AUTS2: variants seen among roughly 807,000 people sequenced by gnomAD.
The protein encoded by AUTS2 is autism susceptibility gene 2 protein.
In AUTS2, 17 loss-of-function variants were observed where a neutral mutation model predicts 112.4. The ratio of observed to expected loss-of-function variants is 0.15; its 90% CI spans 0.10 to 0.23. The LOEUF (loss-of-function observed/expected upper bound fraction) is 0.23, where lower values mean the gene tolerates loss of function less well. Ranked by LOEUF, AUTS2 falls within the 10% of genes least tolerant of loss-of-function variation. The pLI, the probability that AUTS2 is intolerant of heterozygous loss-of-function variation, is 1.00. For missense variants in AUTS2, 1,510 were observed against 1,701.6 expected, an observed-to-expected ratio of 0.89 and a Z score of 1.98; for synonymous variants, 751 against 702.7, an observed-to-expected ratio of 1.07 and a Z score of -1.09.
chr7:70,641,938 C>G (rs1186751335), intron 5 of AUTS2, among the ~76,000 whole-genome samples: 1 of 152,212 alleles, frequency 6.6e-6, no homozygotes, highest in Non-Finnish European at 1.5e-5. Flanking sequence ...CCCCTAGTAT[C>G]AGATAGCTAA....
At chr7:70,357,590 C>T (rs995829898) in intron 4 of AUTS2, among the ~76,000 whole-genome samples, 1 of 152,150 alleles carries the variant, frequency 6.6e-6, no homozygotes, top group Non-Finnish European at 1.5e-5. Flanking sequence ...CACTCTTGAC[C>T]CCTCCCTTCC....
chr7:70,525,000 T>C (rs1799784025), intron 5 of AUTS2, among the ~76,000 whole-genome samples: 1 of 152,192 alleles, frequency 6.6e-6, no homozygotes, highest in Non-Finnish European at 1.5e-5. Context: ...AATCACACTG[T>C]TCTTTTCCCT....
chr7:69,936,763 C>G (rs1303989037), intron 2 of AUTS2, among the ~76,000 whole-genome samples: 1 of 152,148 alleles, frequency 6.6e-6, no homozygotes, highest in Admixed American at 6.5e-5. Context: ...GAGTTGACAT[C>G]AGTGGTAAAT....
chr7:70,392,647 G>A (rs541629994), intron 4 of AUTS2, among the ~76,000 whole-genome samples: 10 of 152,186 alleles, frequency 6.6e-5, no homozygotes, highest in Non-Finnish European at 7.3e-5. Flanking sequence ...CATCTGCTGC[G>A]TATTGTAAAT....
intron 1 of AUTS2, among the ~76,000 whole-genome samples, chr7:69,653,205 G>C (rs1017451038): frequency 6.6e-5 from 10 of 152,142 alleles, no homozygotes; most frequent in African/African-American, 2.2e-4. Context: ...GGCTCTGCCT[G>C]TTACTCTTCT....
intron 4 of AUTS2, among the ~76,000 whole-genome samples, chr7:70,283,638 A>T (rs1788325313): frequency 6.6e-6 from 1 of 152,176 alleles, no homozygotes; most frequent in Non-Finnish European, 1.5e-5. Flanking sequence ...TAATATTTTG[A>T]ATCATTTTAC....
Position 70,766,046 on chromosome 7 carries a change from C to G in AUTS2, c.1469-68C>G. On this transcript the variant is annotated intron_variant, in intron 8 of 18. Coordinates refer to ENST00000342771, the MANE Select transcript of AUTS2 (RefSeq NM_015570.4). This position sits in a 1 kb window ranked among gnomAD's most constrained non-coding sequence, Gnocchi z 4.8. Reference sequence around the variant, plus strand: ...GTGTCACCAGCCCCGTACCCCTCCACAGGAAGGCAGTCCGATGTCCTTTTC... The same window carrying G: ...GTGTCACCAGCCCCGTACCCCTCCAGAGGAAGGCAGTCCGATGTCCTTTTC... 1 of 1,570,066 alleles carries G rather than the reference C, an allele frequency of 6.4e-7. No individual in the cohort carries two copies. Among genetic ancestry groups the G allele is most frequent in the Non-Finnish European group, 8.7e-7 (1 of 1,155,072 alleles).
intron 4 of AUTS2, among the ~76,000 whole-genome samples, chr7:70,251,328 G>C (rs1786585372): frequency 6.6e-6 from 1 of 152,072 alleles, no homozygotes; most frequent in African/African-American, 2.4e-5. Flanking sequence ...CCTCCAAAGT[G>C]CTGGGATTAC....
intron 5 of AUTS2, among the ~76,000 whole-genome samples, chr7:70,497,728 C>T (rs998151150): frequency 6.6e-5 from 10 of 152,110 alleles, no homozygotes; most frequent in African/African-American, 2.4e-4. Context: ...GGATTCTGGA[C>T]CCTCGGTTTT....
chr7:69,825,662 T>A (rs1428973644), intron 1 of AUTS2: 1 of 152,110 alleles, frequency 6.6e-6, no homozygotes, highest in African/African-American at 2.4e-5. Context: ...TTCTTTTGGA[T>A]GACTAAATAA....
At chr7:70,413,849 GT>G (rs1267282232) in intron 4 of AUTS2, among the ~76,000 whole-genome samples, 1 of 151,848 alleles carries the variant, frequency 6.6e-6, no homozygotes, top group South Asian at 2.1e-4. Context: ...TAATTTTTGT[GT>G]TTTTTGTAGA....
chr7:70,220,716 T>C (rs1202539107), intron 4 of AUTS2, among the ~76,000 whole-genome samples: 1 of 152,176 alleles, frequency 6.6e-6, no homozygotes, highest in African/African-American at 2.4e-5. Flanking sequence ...CAGGGCATAA[T>C]GCCTCCTTTT....
intron 2 of AUTS2, among the ~76,000 whole-genome samples, chr7:69,974,402 C>CCTGTTTTCAACTTATTTTT (rs1797974667): frequency 6.6e-6 from 1 of 150,410 alleles, no homozygotes; most frequent in Non-Finnish European, 1.5e-5. Context: ...CTCTTGTTTT[C>CCTGTTTTCAACTTATTTTT]CTGTTTTCAA....
At chr7:69,796,252 T>G (rs901059883) in intron 1 of AUTS2, among the ~76,000 whole-genome samples, 12 of 152,148 alleles carry the variant, frequency 7.9e-5, no homozygotes, top group African/African-American at 2.9e-4. Context: ...GTGTGGTAAC[T>G]CACTCCTGTA....
chr7:70,216,078 G>C (rs1268026278), intron 4 of AUTS2, among the ~76,000 whole-genome samples: 1 of 152,198 alleles, frequency 6.6e-6, no homozygotes, highest in African/African-American at 2.4e-5. Flanking sequence ...TTGAATGCTA[G>C]GGCAGTGTTG....
At chr7:70,673,668 GC>G (rs572211292) in intron 5 of AUTS2, among the ~76,000 whole-genome samples, 1 of 152,148 alleles carries the variant, frequency 6.6e-6, no homozygotes, top group Non-Finnish European at 1.5e-5. Flanking sequence ...GAGCCACCAT[GC>G]CTGGCCGGAT....
At chr7:70,206,372 G>GT (rs989895376) in intron 4 of AUTS2, among the ~76,000 whole-genome samples, 28 of 150,160 alleles carry the variant, frequency 1.9e-4, no homozygotes, top group African/African-American at 2.7e-4. Context: ...TCTGTTTTTT[G>GT]TTTTTTTTTC....
intron 2 of AUTS2, among the ~76,000 whole-genome samples, chr7:69,913,461 G>A (rs2129542060): frequency 6.6e-6 from 1 of 152,252 alleles, no homozygotes; most frequent in South Asian, 2.1e-4. Flanking sequence ...ACTCTGTTTT[G>A]AGTTGGAGGT....
chr7:70,297,596 A>T (rs1258881564), intron 4 of AUTS2, among the ~76,000 whole-genome samples: 1 of 145,998 alleles, frequency 6.8e-6, no homozygotes, highest in Non-Finnish European at 1.5e-5. Flanking sequence ...CACCCGGGTA[A>T]TTTTTTTTTT....
Sources: allele counts gnomAD v4.1 joint callset (sites outside exome capture counted in the v4.1 genomes callset), GRCh38; gene constraint gnomAD v4.1.1; non-coding constraint Gnocchi (gnomAD v3.1); transcripts MANE v1.5; gene names NCBI Gene and HGNC (gene_info 2026-07-23, HGNC 2026-07-21).